The following FAR2 variants were observed in gnomAD, a reference collection of about 807,000 sequenced individuals.
FAR2 encodes epididymis secretory protein Li 81.
Under a neutral mutation model 56.0 loss-of-function variants are expected in FAR2, and 19 were observed. The ratio of observed to expected loss-of-function variants is 0.34; its 90% CI spans 0.24 to 0.50. The LOEUF is 0.50. Ranked by LOEUF, FAR2 falls within the 20% of genes least tolerant of loss-of-function variation. The pLI, the probability that FAR2 is intolerant of heterozygous loss-of-function variation, is 0.98. For missense variants in FAR2, 508 were observed against 642.2 expected (o/e 0.79, Z 2.26); for synonymous variants, 219 against 218.8 (o/e 1.00, Z -0.01).
intron 1 of FAR2, among the ~76,000 whole-genome samples, chr12:29,252,795 G>T (rs549294753): frequency 6.6e-6 from 1 of 152,300 alleles, no homozygotes; most frequent in East Asian, 1.9e-4. Flanking sequence ...TTGCCAAGTT[G>T]ACACGGGGTG....
chr12:29,183,974 A>G (rs1464649382), intron 1 of FAR2, among the ~76,000 whole-genome samples: 1 of 152,194 alleles, frequency 6.6e-6, no homozygotes, highest in Non-Finnish European at 1.5e-5. Context: ...TGCAAATATC[A>G]ACACAGATTT....
chr12:29,314,555 G>A lies in FAR2; in HGVS notation c.956-2286G>A, dbSNP rs1430827718. On this transcript the variant is annotated intron_variant, in intron 8 of 11. Coordinates refer to ENST00000536681, the MANE Select transcript of FAR2 (RefSeq NM_001271783.2). ...TAGAACGGTGAACATTTCAGTAAAC[G>A]CTTGCTATTACCATTTGGACAGCTT... Among the ~76,000 whole-genome samples, 6 of 151,524 alleles carry A rather than the reference G, an allele frequency of 4.0e-5. No individual in the cohort carries two copies. The South Asian group carries it at 6.3e-4, about 16-fold the overall frequency.
chr12:29,257,405 C>T (rs535474091), intron 1 of FAR2, among the ~76,000 whole-genome samples: 2 of 152,296 alleles, frequency 1.3e-5, no homozygotes, highest in African/African-American at 4.8e-5. Context: ...GACCACTGGG[C>T]TCCACCAATC....
chr12:29,317,385 T>A (rs1355583279), intron 9 of FAR2, among the ~76,000 whole-genome samples: 1 of 152,124 alleles, frequency 6.6e-6, no homozygotes, highest in Admixed American at 6.5e-5. Flanking sequence ...TAGACATGGG[T>A]CCCATCCCCA....
chr12:29,238,839 T>A (rs1315204816), intron 1 of FAR2, among the ~76,000 whole-genome samples: 1 of 152,236 alleles, frequency 6.6e-6, no homozygotes, highest in Non-Finnish European at 1.5e-5. Context: ...AGTTTTCTAT[T>A]GTTTTATAAC....
At chr12:29,205,738 A>T (rs894016515) in intron 1 of FAR2, among the ~76,000 whole-genome samples, 6 of 152,222 alleles carry the variant, frequency 3.9e-5, no homozygotes, top group African/African-American at 1.4e-4. Flanking sequence ...TGATTCAGAA[A>T]TCTCCATTTC....
intron 1 of FAR2, among the ~76,000 whole-genome samples, chr12:29,228,887 C>CA (rs1480479224): frequency 2.0e-5 from 3 of 152,090 alleles, no homozygotes. Flanking sequence ...CGTGCCCAGC[C>CA]AAAAATGTCT....
chr12:29,182,950 T>C (rs1950005683), intron 1 of FAR2, among the ~76,000 whole-genome samples: 1 of 151,760 alleles, frequency 6.6e-6, no homozygotes, highest in Non-Finnish European at 1.5e-5. Context: ...TTTTTTTTTT[T>C]TTTTTTACTT....
At chr12:29,254,555 A>G (rs905112057) in intron 1 of FAR2, among the ~76,000 whole-genome samples, 1 of 152,200 alleles carries the variant, frequency 6.6e-6, no homozygotes, top group Non-Finnish European at 1.5e-5. Flanking sequence ...TCATCATAAA[A>G]TACCTGGCCG....
intron 1 of FAR2, among the ~76,000 whole-genome samples, chr12:29,152,982 G>T (rs1163371122): frequency 6.6e-6 from 1 of 152,200 alleles, no homozygotes; most frequent in Non-Finnish European, 1.5e-5. Flanking sequence ...ATATCTGGAT[G>T]CAGCTGAAGT....
intron 2 of FAR2, among the ~76,000 whole-genome samples, chr12:29,286,395 C>A (rs906854723): frequency 8.5e-5 from 13 of 152,174 alleles, no homozygotes; most frequent in Admixed American, 2.6e-4. Flanking sequence ...ATTGCCTCCC[C>A]TAGGAAATTT....
At chr12:29,222,291 A>G (rs1027243938) in intron 1 of FAR2, among the ~76,000 whole-genome samples, 3 of 152,220 alleles carry the variant, frequency 2.0e-5, no homozygotes, top group Non-Finnish European at 4.4e-5. Flanking sequence ...TGTTTCAATC[A>G]TAGTGATATT....
chr12:29,165,048 A>T (rs913182268), intron 1 of FAR2, among the ~76,000 whole-genome samples: 2 of 152,168 alleles, frequency 1.3e-5, no homozygotes, highest in Non-Finnish European at 2.9e-5. Flanking sequence ...TGTGTTTTTG[A>T]AGCACAGAAG....
At chr12:29,243,854 G>A (rs1209297012) in intron 1 of FAR2, among the ~76,000 whole-genome samples, 4 of 152,070 alleles carry the variant, frequency 2.6e-5, no homozygotes, top group Non-Finnish European at 5.9e-5. Context: ...GAGTTTAAAG[G>A]CATCTGCAGT....
At chr12:29,299,213 C>CAAAAAAAGAAAAAAA (rs1949119077) in intron 4 of FAR2, among the ~76,000 whole-genome samples, 1 of 103,572 alleles carries the variant, frequency 9.7e-6, no homozygotes, top group African/African-American at 3.9e-5. Context: ...AACTTTGTCT[C>CAAAAAAAGAAAAAAA]AAAAAAAAAA....
rs34821915 is a variant in FAR2, at chr12:29,239,452, C to CTGTGTGTGTGTG, written c.-38-30940_-38-30929dup. On this transcript the variant is annotated intron_variant, in intron 1 of 11. Coordinates refer to ENST00000536681, the MANE Select transcript of FAR2 (RefSeq NM_001271783.2). Reference sequence around the variant, plus strand: ...AATGTGCCACAGCTAAATGAATCAACTGTGTGTGTGTGTGTGTGTGTGTGT... The same window carrying CTGTGTGTGTGTG: ...AATGTGCCACAGCTAAATGAATCAACTGTGTGTGTGTGTGTGTGTGTGTGTGTGTGTGTGTGT... 9.6e-3 allele frequency among the ~76,000 whole-genome samples: 1,418 copies of CTGTGTGTGTGTG among 147,924 alleles called. 12 individuals are homozygous for CTGTGTGTGTGTG. The highest frequency in any genetic ancestry group is 0.034 in the South Asian group (155 of 4,562).
At position 29,160,429 on chromosome 12, in the gene FAR2, G is replaced by A. The variant is rs572830642; in HGVS notation, c.-39+11022G>A. 3.9e-5 allele frequency among the ~76,000 whole-genome samples: 6 copies of A among 152,262 alleles called. No homozygotes were observed. In the South Asian group the frequency reaches 6.2e-4, roughly 16 times the overall value. Reference sequence around the variant, plus strand: ...TAGACTGTGGGAGGTGGGTGTTTCCGGTGCAGAAGAACCCTTGATATCACC... The same window carrying A: ...TAGACTGTGGGAGGTGGGTGTTTCCAGTGCAGAAGAACCCTTGATATCACC... On this transcript the variant is annotated intron_variant, in intron 1 of 11. Coordinates refer to ENST00000536681, the MANE Select transcript of FAR2 (RefSeq NM_001271783.2).
rs573268420 is a variant in FAR2, at chr12:29,238,310, T to C, written c.-38-32102T>C. On this transcript the variant is annotated intron_variant, in intron 1 of 11. Coordinates refer to ENST00000536681, the MANE Select transcript of FAR2 (RefSeq NM_001271783.2). ...TAATTGTTTCAATGAAGATGTTAAA[T>C]TATTTTAACACTAAGATACCCAATT... Among the ~76,000 whole-genome samples, 8 of 152,130 alleles carry C rather than the reference T, an allele frequency of 5.3e-5. No homozygotes were observed. In the South Asian group the frequency reaches 1.7e-3, roughly 31 times the overall value.
At chr12:29,203,883 C>T (rs967915447) in intron 1 of FAR2, among the ~76,000 whole-genome samples, 1 of 150,216 alleles carries the variant, frequency 6.7e-6, no homozygotes, top group African/African-American at 2.4e-5. Flanking sequence ...GCCTGTAGTC[C>T]CAGCTACTCG....
Sources: gnomAD v4.1 joint callset for allele counts (sites outside exome capture counted in the v4.1 genomes callset) on GRCh38, gnomAD v4.1.1 for gene constraint, MANE v1.5 for transcripts, NCBI Gene and HGNC (gene_info 2026-07-23, HGNC 2026-07-21) for gene names.